The following RASA3 variants were observed in gnomAD, a reference collection of about 807,000 sequenced individuals.
RASA3 encodes the protein ras GTPase-activating protein 3.
Under a neutral mutation model 110.0 loss-of-function variants are expected in RASA3, and 73 were observed. That is an observed-to-expected ratio of 0.66 (90% CI 0.55 to 0.81). RASA3 has a LOEUF of 0.81. Ranked by LOEUF, RASA3 falls within the 30% of genes least tolerant of loss-of-function variation. RASA3 has a pLI of 0.00. For synonymous variants in RASA3, 500 were observed against 451.4 expected, an observed-to-expected ratio of 1.11 and a Z score of -1.37; for missense variants, 976 against 1,113.2, an observed-to-expected ratio of 0.88 and a Z score of 1.75.
intron 1 of RASA3, among the ~76,000 whole-genome samples, chr13:114,095,444 C>T (rs1468448590): frequency 6.6e-6 from 1 of 152,192 alleles, no homozygotes; most frequent in Non-Finnish European, 1.5e-5. Context: ...CCTTCTATCA[C>T]TACAGATTTG....
At chr13:114,090,161 A>G (rs2079872880) in intron 1 of RASA3, among the ~76,000 whole-genome samples, 2 of 152,216 alleles carry the variant, frequency 1.3e-5, no homozygotes, top group South Asian at 4.2e-4. Context: ...TTGATTATTT[A>G]CCAACGGGTG....
At chr13:114,052,733 A>ACCCCCGC (rs2079167991) in intron 2 of RASA3, among the ~76,000 whole-genome samples, 3 of 132,676 alleles carry the variant, frequency 2.3e-5, no homozygotes, top group Non-Finnish European at 3.2e-5. Flanking sequence ...TGGGGGAGAG[A>ACCCCCGC]TCCCCGCTGC....
intron 8 of RASA3, among the ~76,000 whole-genome samples, chr13:114,022,845 C>T (rs2053954473): frequency 1.3e-5 from 2 of 152,234 alleles, no homozygotes; most frequent in East Asian, 3.8e-4. Context: ...AACAATGGCG[C>T]TTCCTTCTCT....
Position 114,011,433 on chromosome 13 carries a change from C to G in RASA3, c.1513-185G>C, listed in dbSNP as rs1316301152. 6.6e-6 allele frequency among the ~76,000 whole-genome samples: 1 copy of G among 152,178 alleles called. No homozygotes were observed. Among genetic ancestry groups the G allele is most frequent in the Admixed American group, 6.5e-5 (1 of 15,286 alleles). ...GGTGGGCGTCCCACAGTCTCAGGAG[C>G]TGCTGAGACCATCCCGCAGGCAACA... On this transcript the variant is annotated intron_variant, in intron 15 of 23. Coordinates refer to ENST00000334062, the MANE Select transcript of RASA3 (RefSeq NM_007368.4). This position sits in a 1 kb window ranked among gnomAD's most constrained non-coding sequence, Gnocchi z 4.8.
chr13:114,002,594 C>G (rs1022734814), intron 18 of RASA3, among the ~76,000 whole-genome samples: 1 of 152,188 alleles, frequency 6.6e-6, no homozygotes, highest in African/African-American at 2.4e-5. Flanking sequence ...ATTTGAGTAG[C>G]AGTCTTGTTA....
At chr13:114,031,464 G>A (rs2054167126) in intron 4 of RASA3, among the ~76,000 whole-genome samples, 3 of 151,640 alleles carry the variant, frequency 2.0e-5, no homozygotes, top group Admixed American at 1.3e-4. Context: ...TGTAGTGTGT[G>A]GCTGTGTGCA....
chr13:114,009,262 C>T (rs1403845183), intron 17 of RASA3, 125 bp downstream of exon 17: 2 of 766,476 alleles, frequency 2.6e-6, no homozygotes, highest in East Asian at 2.5e-5. Flanking sequence ...ATGCACCGAA[C>T]GCCTTTATTG....
chr13:114,077,925 A>G (rs1271785420), intron 1 of RASA3: 1 of 984,804 alleles, frequency 1.0e-6, no homozygotes, highest in African/African-American at 1.8e-5. Flanking sequence ...TCCCTGCCTC[A>G]GGCTTCTGAT....
chr13:114,031,421 A>G (rs7327675), intron 4 of RASA3, among the ~76,000 whole-genome samples: 3,573 of 144,840 alleles, frequency 0.025, 134 homozygotes, highest in African/African-American at 0.087. Flanking sequence ...ATCTGCCTGT[A>G]TGTGCATGCA....
At chr13:114,022,379 A>G (rs2053944975) in intron 8 of RASA3, among the ~76,000 whole-genome samples, 1 of 152,184 alleles carries the variant, frequency 6.6e-6, no homozygotes, top group African/African-American at 2.4e-5. Flanking sequence ...ACCCACTCAT[A>G]GGCCTGAAAC....
intron 12 of RASA3, among the ~76,000 whole-genome samples, chr13:114,016,521 G>A (rs982708335): frequency 9.8e-5 from 15 of 152,312 alleles, no homozygotes; most frequent in Admixed American, 2.6e-4. Flanking sequence ...CACTGGCTGC[G>A]GAGGGACAAG....
intron 4 of RASA3, among the ~76,000 whole-genome samples, chr13:114,040,139 G>A (rs1209477250): frequency 1.3e-5 from 2 of 152,258 alleles, no homozygotes; most frequent in Admixed American, 1.3e-4. Context: ...ATGACAAAGG[G>A]CGGCAGTAGG....
At chr13:114,023,737 G>A (rs768332098) in intron 8 of RASA3, among the ~76,000 whole-genome samples, 1 of 152,218 alleles carries the variant, frequency 6.6e-6, no homozygotes, top group Non-Finnish European at 1.5e-5. Context: ...AGGAAAGGGC[G>A]GTGGGGGCTC....
intron 1 of RASA3, among the ~76,000 whole-genome samples, chr13:114,128,279 C>T (rs901446113): frequency 2.0e-5 from 3 of 152,244 alleles, no homozygotes; most frequent in Non-Finnish European, 4.4e-5. Flanking sequence ...CTTCTCTTAC[C>T]TGAGTGAGCC....
intron 1 of RASA3, among the ~76,000 whole-genome samples, chr13:114,099,004 C>A (rs929085651): frequency 5.1e-5 from 5 of 97,708 alleles, no homozygotes; most frequent in Admixed American, 9.6e-5. Context: ...GCCACCCGAG[C>A]CCCCCAGACC....
intron 1 of RASA3, among the ~76,000 whole-genome samples, chr13:114,080,194 C>T (rs2079760756): frequency 6.6e-6 from 1 of 152,160 alleles, no homozygotes; most frequent in Non-Finnish European, 1.5e-5. Context: ...CCATGCTCCT[C>T]CCTCAAGAGG....
chr13:114,123,308 G>C (rs1188284720), intron 1 of RASA3, among the ~76,000 whole-genome samples: 1 of 152,200 alleles, frequency 6.6e-6, no homozygotes, highest in Non-Finnish European at 1.5e-5. Context: ...GCACCTCGAG[G>C]GTTTGGAACC....
rs2053240322 is a variant in RASA3 at position 113,995,930 on chromosome 13, AATGGGGGGG to A, written c.2141+592_2141+600del. Among the ~76,000 whole-genome samples, 2 of 9,112 alleles carry A rather than the reference AATGGGGGGG, an allele frequency of 2.2e-4. 1 individual carries two copies. The highest frequency in any genetic ancestry group is 3.1e-4 in the Non-Finnish European group (2 of 6,398). 6.0% of individuals were successfully genotyped at this position (9,112 alleles called of 152,430 possible). ...GACCCGGCTGATGGGGGGCCCGGCT[AATGGGGGGG>A]CCCGGCTAATGGGGGGCCCGGCTGA... On this transcript the variant is annotated intron_variant, in intron 21 of 23. Coordinates refer to ENST00000334062, the MANE Select transcript of RASA3 (RefSeq NM_007368.4).
intron 1 of RASA3, 141 bp downstream of exon 1, chr13:114,132,294 A>G: frequency 8.9e-6 from 8 of 899,388 alleles, no homozygotes; most frequent in Non-Finnish European, 9.0e-6. Flanking sequence ...GAGCCGGACC[A>G]GCCGTTCTCC....
Sources: allele counts gnomAD v4.1 joint callset (sites outside exome capture counted in the v4.1 genomes callset), GRCh38; gene constraint gnomAD v4.1.1; non-coding constraint Gnocchi (gnomAD v3.1); transcripts MANE v1.5; gene names NCBI Gene and HGNC (gene_info 2026-07-23, HGNC 2026-07-21).